UGDH: variants seen among roughly 807,000 people sequenced by gnomAD.
The protein encoded by UGDH is UDP-glucose 6-dehydrogenase, also known as UDP-Glc dehydrogenase.
In UGDH, 38 loss-of-function variants were observed where a neutral mutation model predicts 50.6. That is an observed-to-expected ratio of 0.75 (90% CI 0.58 to 0.98). The LOEUF (loss-of-function observed/expected upper bound fraction) is 0.98. UGDH is among the 50% of genes least tolerant of loss of function. The probability of loss-of-function intolerance (pLI) is 0.00; values close to 1 mark genes in which losing one functional copy is unlikely to be tolerated. For synonymous variants in UGDH, 168 were observed against 199.9 expected (o/e 0.84, Z 1.35); for missense variants, 465 against 606.2 (o/e 0.77, Z 2.45).
intron 11 of UGDH, among the ~76,000 whole-genome samples, chr4:39,501,662 G>C (rs1436654532): frequency 3.9e-5 from 6 of 152,126 alleles, no homozygotes. Flanking sequence ...AAACTCTCTA[G>C]GTCTTTCTTC....
intron 1 of UGDH, among the ~76,000 whole-genome samples, chr4:39,522,189 G>A (rs925225354): frequency 2.0e-5 from 3 of 152,164 alleles, no homozygotes; most frequent in African/African-American, 7.2e-5. Flanking sequence ...GCAGAAAAGT[G>A]GGTTACACAG....
chr4:39,503,101 G>C (rs1020929172), intron 11 of UGDH, among the ~76,000 whole-genome samples: 2 of 152,156 alleles, frequency 1.3e-5, no homozygotes, highest in African/African-American at 2.4e-5. Flanking sequence ...ATTTTTAGTA[G>C]AGATGGGGTT....
At position 39,527,160 on chromosome 4, in the gene UGDH, G is replaced by A. The variant is rs532222085; in HGVS notation, c.-8+123C>T. ...ACGAAGGTCGTGAGACGGGAAGCCC[G>A]GGACCCAGCGCAGCGAGCGACCGGG... is the stretch of plus-strand genomic sequence containing the variant. On this transcript the variant is annotated intron_variant, in intron 1 of 11. Transcript: ENST00000316423. 1,690 of 1,279,810 alleles carry A rather than the reference G, an allele frequency of 1.3e-3. 2 individuals are homozygous for A. The highest frequency in any genetic ancestry group is 1.5e-3 in the Non-Finnish European group (1,457 of 981,992). The allele number at this position is 1,279,810 out of a possible 1,614,324, so 79.3% of individuals were successfully genotyped here.
At chr4:39,521,180 C>T (rs1386687405) in intron 2 of UGDH, among the ~76,000 whole-genome samples, 171 bp downstream of exon 2, 1 of 151,922 alleles carries the variant, frequency 6.6e-6, no homozygotes, top group Non-Finnish European at 1.5e-5. Context: ...TTCCTACCCA[C>T]ATTACCCGAA....
intron 3 of UGDH, among the ~76,000 whole-genome samples, chr4:39,513,540 T>C (rs890241835): frequency 2.8e-5 from 4 of 142,642 alleles, no homozygotes; most frequent in African/African-American, 1.0e-4. Context: ...TCTTTTTTTT[T>C]TTTTTTTTTT....
At chr4:39,521,676 A>T (rs1179515884) in intron 1 of UGDH, 157 bp from the exon 2 acceptor site, 4 of 567,922 alleles carry the variant, frequency 7.0e-6, no homozygotes, top group Non-Finnish European at 1.1e-5. Flanking sequence ...ATAGTGATTT[A>T]AAAAATAACA....
intron 3 of UGDH, among the ~76,000 whole-genome samples, chr4:39,512,375 G>T (rs1365336780): frequency 6.6e-6 from 1 of 152,162 alleles, no homozygotes; most frequent in Non-Finnish European, 1.5e-5. Flanking sequence ...GGAGGAAAAA[G>T]TTGTTTACAT....
chr4:39,504,372 G>T, intron 10 of UGDH, 45 bp downstream of exon 10: 1 of 1,562,932 alleles, frequency 6.4e-7, no homozygotes. Context: ...AGCTGATAGT[G>T]GAACACCTCT....
intron 11 of UGDH, 39 bp from the exon 12 acceptor site, chr4:39,500,292 T>A (rs1236795475): frequency 7.7e-7 from 1 of 1,295,574 alleles, no homozygotes; most frequent in Admixed American, 2.0e-5. Context: ...TATTAACAAT[T>A]ATATAAGTGT....
intron 11 of UGDH, 82 bp from the exon 12 acceptor site, chr4:39,500,335 G>A: frequency 1.2e-6 from 1 of 834,326 alleles, no homozygotes; most frequent in Non-Finnish European, 1.8e-6. Flanking sequence ...TGGGAGCAGG[G>A]GGAATCTAGA....
chr4:39,501,245 C>A (rs1415590343), intron 11 of UGDH, among the ~76,000 whole-genome samples: 1 of 150,264 alleles, frequency 6.7e-6, no homozygotes, highest in Non-Finnish European at 1.5e-5. Context: ...GTATTACAGG[C>A]GTGAGCCACT....
At chr4:39,505,147 A>T in intron 9 of UGDH, 90 bp downstream of exon 9, 1 of 1,306,888 alleles carries the variant, frequency 7.7e-7, no homozygotes, top group Non-Finnish European at 1.0e-6. Flanking sequence ...CCAATGATAT[A>T]CATGATAAAA....
chr4:39,507,582 G>A (rs1401354105), intron 7 of UGDH, among the ~76,000 whole-genome samples: 1 of 152,130 alleles, frequency 6.6e-6, no homozygotes, highest in Non-Finnish European at 1.5e-5. Flanking sequence ...GGGATTACAG[G>A]TGTGAACCAC....
chr4:39,500,680 G>T (rs1362671387), intron 11 of UGDH, among the ~76,000 whole-genome samples: 2 of 138,184 alleles, frequency 1.4e-5, no homozygotes, highest in Admixed American at 7.6e-5. Context: ...TTCTTGAGAT[G>T]GAGTCTTGCT....
At chr4:39,516,265 C>A (rs1194579272) in intron 2 of UGDH, among the ~76,000 whole-genome samples, 1 of 152,106 alleles carries the variant, frequency 6.6e-6, no homozygotes, top group Non-Finnish European at 1.5e-5. Flanking sequence ...GCCTGGGCCA[C>A]AGAGCAAGGC....
intron 1 of UGDH, among the ~76,000 whole-genome samples, chr4:39,525,512 C>CTTT (rs559859570): frequency 0.029 from 4,065 of 142,388 alleles, 216 homozygotes; most frequent in East Asian, 0.25. Flanking sequence ...TTTTCTTTTT[C>CTTT]TTTTTTTTTT....
At chr4:39,514,010 C>T in intron 3 of UGDH, 73 bp downstream of exon 3, 1 of 1,243,196 alleles carries the variant, frequency 8.0e-7, no homozygotes. Flanking sequence ...AATGGATTTA[C>T]TATTAAAGTA....
intron 2 of UGDH, among the ~76,000 whole-genome samples, chr4:39,520,297 C>T (rs1746596144): frequency 6.6e-6 from 1 of 152,126 alleles, no homozygotes; most frequent in African/African-American, 2.4e-5. Context: ...TAAGTTCGGG[C>T]CATTGCACTC....
intron 6 of UGDH, 136 bp from the exon 7 acceptor site, chr4:39,508,796 G>A (rs1253336768): frequency 1.4e-6 from 1 of 701,026 alleles, no homozygotes; most frequent in South Asian, 2.0e-5. Context: ...ATAAATAATG[G>A]GCTTATAAAT....
Sources: gnomAD v4.1 joint callset for allele counts (sites outside exome capture counted in the v4.1 genomes callset) on GRCh38, gnomAD v4.1.1 for gene constraint, MANE v1.5 for transcripts, NCBI Gene and HGNC (gene_info 2026-07-23, HGNC 2026-07-21) for gene names.